Variants in MRPS2 observed in about 807,000 individuals in gnomAD.
MRPS2 encodes the protein small ribosomal subunit protein uS2m.
A neutral mutation model predicts 18.9 loss-of-function variants in MRPS2; 13 were observed. The observed-to-expected ratio is 0.69, with a 90% confidence interval of 0.45 to 1.09. The LOEUF (loss-of-function observed/expected upper bound fraction) is 1.09. MRPS2 is among the 50% of genes least tolerant of loss of function. The probability of loss-of-function intolerance (pLI) is 0.00; values close to 1 mark genes in which losing one functional copy is unlikely to be tolerated. For missense variants in MRPS2, 389 were observed against 421.7 expected, an observed-to-expected ratio of 0.92 and a Z score of 0.68; for synonymous variants, 186 against 178.4, an observed-to-expected ratio of 1.04 and a Z score of -0.34.
At chr9:135,502,155 C>A in intron 3 of MRPS2, 182 bp downstream of exon 3, 2 of 1,403,860 alleles carry the variant, frequency 1.4e-6, no homozygotes, top group Middle Eastern at 1.9e-4. Flanking sequence ...GCTTGGCGGA[C>A]GCTCTTGTGT....
intron 3 of MRPS2, 104 bp downstream of exon 3, chr9:135,502,077 G>T (rs1238719009): frequency 1.7e-5 from 26 of 1,557,136 alleles, no homozygotes; most frequent in Non-Finnish European, 2.1e-5. Flanking sequence ...AGTTTTAGGT[G>T]ATTACAGCCC....
rs1392156562 is a variant in MRPS2 at position 135,504,008 on chromosome 9, G to T, written c.766G>T (p.Ala256Ser). ...VHLYCRLFQT[A>S]ITRAKEKRQQ... ...CCTCTACTGCAGGCTCTTCCAGACG[G>T]CCATCACCCGGGCCAAGGAGAAGCG... is the stretch of plus-strand genomic sequence containing the variant. Residue 256 changes from alanine to serine, a missense_variant, in exon 4 of 4, where the codon GCC (alanine) becomes TCC (serine). Coordinates refer to ENST00000241600, the MANE Select transcript of MRPS2 (RefSeq NM_016034.5). The surrounding 1 kb of genome is among the most constrained non-coding windows in gnomAD (Gnocchi z 4.3). 1 of 1,613,388 alleles carries T rather than the reference G, an allele frequency of 6.2e-7. No individual in the cohort carries two copies. Among genetic ancestry groups the T allele is most frequent in the African/African-American group, 1.3e-5 (1 of 74,946 alleles).
upstream of MRPS2, chr9:135,500,399 G>C (rs753463709): frequency 5.1e-6 from 2 of 392,462 alleles, no homozygotes; most frequent in Non-Finnish European, 9.0e-6. Flanking sequence ...GGGAGGCGAG[G>C]GTCCCCATCG....
rs1831219642 is a variant in MRPS2 at position 135,503,902 on chromosome 9, G to C, written c.660G>C (p.Val220=). The C allele has an allele frequency of 1.2e-6, 2 of 1,613,904 alleles. No homozygotes were observed. Among genetic ancestry groups the C allele is most frequent in the African/African-American group, 2.7e-5 (2 of 74,934 alleles). Residue 220 remains valine, a synonymous_variant, in exon 4 of 4, where the codon GTG becomes GTC. Coordinates refer to ENST00000241600, the MANE Select transcript of MRPS2 (RefSeq NM_016034.5). ...RDAAKMNIPT[V]GIVDTNCNPC... ...CAGCCAAGATGAACATCCCCACAGT[G>C]GGCATCGTGGACACCAACTGCAACC...
At chr9:135,503,270 C>G in intron 3 of MRPS2, 1 of 1,320,184 alleles carries the variant, frequency 7.6e-7, no homozygotes. Flanking sequence ...GTCCACACAT[C>G]CATATGGGGT....
chr9:135,501,337 G>A (rs1831126552), intron 2 of MRPS2: 2 of 1,407,886 alleles, frequency 1.4e-6, no homozygotes, highest in Non-Finnish European at 1.8e-6. Flanking sequence ...GTGAGAGGGA[G>A]CGGGCGGGCC....
rs1447898162 is a variant in MRPS2, at chr9:135,503,920, C to T, written c.678C>T (p.Asn226=). The T allele has an allele frequency of 1.2e-6, 2 of 1,614,034 alleles. No individual in the cohort carries two copies. Among genetic ancestry groups the T allele is most frequent in the Middle Eastern group, 1.6e-4 (1 of 6,062 alleles). The part of the protein sequence containing the change: ...NIPTVGIVDT[N]CNPCLITYPV... ...CCACAGTGGGCATCGTGGACACCAA[C>T]TGCAACCCCTGCCTCATCACCTACC... is the stretch of plus-strand genomic sequence containing the variant. The change falls in exon 4 of 4, where the codon AAC becomes AAT. Residue 226 remains asparagine, a synonymous_variant. Coordinates refer to ENST00000241600, the MANE Select transcript of MRPS2 (RefSeq NM_016034.5).
rs60138045 is a variant in MRPS2, at chr9:135,504,587, CAG to C, written c.*457_*458del. 3,113 of 164,454 alleles carry C rather than the reference CAG, an allele frequency of 0.019. 100 individuals are homozygous for C. The highest frequency in any genetic ancestry group is 0.07 in the African/African-American group (2,906 of 41,796). The allele number at this position is 164,454 out of a possible 1,614,324, so 10.2% of individuals were successfully genotyped here. A position where few individuals can be genotyped will look rare whatever the true frequency, so the allele number is the denominator to read the frequency against. On this transcript the variant is annotated 3_prime_UTR_variant, in exon 4 of 4. Coordinates refer to ENST00000241600, the MANE Select transcript of MRPS2 (RefSeq NM_016034.5). This position sits in a 1 kb window ranked among gnomAD's most constrained non-coding sequence, Gnocchi z 4.3. ...AATGAGATGCTGCTGGCAGGCCACT[CAG>C]AGGCTCCCAGCTGGGTTGGTGGGAC... is the stretch of plus-strand genomic sequence containing the variant.
intron 3 of MRPS2, chr9:135,502,237 A>G: frequency 7.8e-7 from 1 of 1,282,550 alleles, no homozygotes; most frequent in Non-Finnish European, 1.0e-6. Flanking sequence ...CGGGTTCAGA[A>G]ATGGAAAGGC....
At chr9:135,500,547 C>G, upstream of MRPS2, 1 of 679,914 alleles carries the variant, frequency 1.5e-6, no homozygotes, top group Non-Finnish European at 2.2e-6. Flanking sequence ...GGCCCTGACC[C>G]CTCGCGTGCC....
Position 135,503,821 on chromosome 9 carries a change from C to T in MRPS2, c.579C>T (p.Ile193=). The T allele has an allele frequency of 6.2e-7, 1 of 1,613,686 alleles. No homozygotes were observed. The highest frequency in any genetic ancestry group is 8.5e-7 in the Non-Finnish European group (1 of 1,180,036). The change falls in exon 4 of 4, where the codon ATC becomes ATT. Residue 193 remains isoleucine, a synonymous_variant. Transcript: ENST00000241600. ...FGPTVRLPDL[I]IFLHTLNNIF... ...CCACGGTCCGCCTGCCGGACCTCAT[C>T]ATCTTCCTGCACACGCTCAACAACA...
At chr9:135,502,175 T>G (rs1831161617) in intron 3 of MRPS2, 1 of 1,382,960 alleles carries the variant, frequency 7.2e-7, no homozygotes, top group Admixed American at 3.0e-5. Context: ...TGCCTTGGTG[T>G]GGCGCTCACA....
In MRPS2 at chr9:135,503,704, G is replaced by C. The variant is rs143625778; in HGVS notation, c.462G>C (p.Leu154=). 6 of 1,613,712 alleles carry C rather than the reference G, an allele frequency of 3.7e-6. No homozygotes were observed. The highest frequency in any genetic ancestry group is 5.1e-6 in the Non-Finnish European group (6 of 1,180,034). Residue 154 remains leucine (L), a synonymous_variant, in exon 4 of 4, where the codon CTG becomes CTC. Coordinates refer to ENST00000241600, the MANE Select transcript of MRPS2 (RefSeq NM_016034.5). ...GCCGCAACCGGCAGTTCTCGTACCT[G>C]ATTGAGAACATGGCCCGTGACTGTG... is the stretch of plus-strand genomic sequence containing the variant. The part of the protein sequence containing the change: ...FISRNRQFSY[L]IENMARDCGE...
chr9:135,499,996 G>C, upstream of MRPS2: 1 of 932,778 alleles, frequency 1.1e-6, no homozygotes, highest in Non-Finnish European at 1.5e-6. Flanking sequence ...CCTGCCGGGC[G>C]ACTCCCCAAG....
Position 135,502,004 on chromosome 9 carries a change from G to A in MRPS2, c.299+31G>A, listed in dbSNP as rs757904381. On this transcript the variant is annotated intron_variant, in intron 3 of 3. Transcript: ENST00000241600. ...TGACACCCCCATCTGAGCCCGGGGC[G>A]GTTCCCAGGAGGAACCTGGGACCTG... The A allele has an allele frequency of 1.1e-5, 18 of 1,612,326 alleles. No homozygotes were observed. In the South Asian group the frequency reaches 1.8e-4, roughly 16 times the overall value.
chr9:135,502,010 CAGGAGG>C, intron 3 of MRPS2, 37 bp downstream of exon 3: 1 of 1,612,146 alleles, frequency 6.2e-7, no homozygotes, highest in Non-Finnish European at 8.5e-7. Context: ...GGGCGGTTCC[CAGGAGG>C]AACCTGGGAC....
chr9:135,501,284 AC>A, intron 2 of MRPS2, 161 bp downstream of exon 2: 1 of 1,424,256 alleles, frequency 7.0e-7, no homozygotes, highest in South Asian at 1.5e-5. Context: ...GTCCTGCCTG[AC>A]GTAGCACAGC....
Position 135,503,888 on chromosome 9 carries a change from A to G in MRPS2, c.646A>G (p.Asn216Asp), listed in dbSNP as rs1209048840. 6.2e-7 allele frequency: 1 copy of G among 1,614,032 alleles called. No homozygotes were observed. Among genetic ancestry groups the G allele is most frequent in the South Asian group, 1.1e-5 (1 of 91,086 alleles). ...GGCCGTGAGAGACGCAGCCAAGATG[A>G]ACATCCCCACAGTGGGCATCGTGGA... ...HVAVRDAAKM[N>D]IPTVGIVDTN... Residue 216 changes from asparagine (N) to aspartate (D), a missense_variant, in exon 4 of 4, where the codon AAC (asparagine) becomes GAC (aspartate). Asn to Asp is a conservative substitution (Grantham distance 23, BLOSUM62 1). Transcript: ENST00000241600.
At chr9:135,503,280 T>C in intron 3 of MRPS2, 4 of 1,340,036 alleles carry the variant, frequency 3.0e-6, no homozygotes, top group Non-Finnish European at 3.8e-6. Context: ...CCATATGGGG[T>C]CAGTTCTATT....
Sources: allele counts gnomAD v4.1 joint callset, GRCh38; gene constraint gnomAD v4.1.1; non-coding constraint Gnocchi (gnomAD v3.1); transcripts MANE v1.5; gene names NCBI Gene and HGNC (gene_info 2026-07-23, HGNC 2026-07-21).